SERP2: variants seen among roughly 807,000 people sequenced by gnomAD.
SERP2 encodes stress-associated endoplasmic reticulum protein 2.
A neutral mutation model predicts 9.1 loss-of-function variants in SERP2; 6 were observed. The observed-to-expected ratio is 0.66, with a 90% CI of 0.36 to 1.30. The LOEUF is 1.30. SERP2 is among the 50% of genes most tolerant of loss of function. SERP2 has a pLI of 0.03. For missense variants in SERP2, 58 were observed against 81.9 expected (o/e 0.71, Z 1.13); for synonymous variants, 37 against 27.3 (o/e 1.35, Z -1.10).
At chr13:44,393,266 G>A (rs1295794446) in intron 2 of SERP2, among the ~76,000 whole-genome samples, 2 of 152,204 alleles carry the variant, frequency 1.3e-5, no homozygotes, top group Non-Finnish European at 2.9e-5. Context: ...GTTGTGAAGA[G>A]GAAGAGAGGG....
intron 2 of SERP2, among the ~76,000 whole-genome samples, chr13:44,392,097 C>A (rs750924618): frequency 5.5e-5 from 8 of 146,022 alleles, no homozygotes; most frequent in African/African-American, 1.0e-4. Flanking sequence ...ACTCAGGAGG[C>A]TAAGGCTGGA....
chr13:44,384,098 C>T (rs867634474), intron 2 of SERP2, among the ~76,000 whole-genome samples: 2 of 151,842 alleles, frequency 1.3e-5, no homozygotes, highest in African/African-American at 2.4e-5. Context: ...CAGCTCAAGT[C>T]GGGCACTGTT....
intron 2 of SERP2, chr13:44,390,432 C>T (rs1231099341): frequency 2.2e-6 from 1 of 456,480 alleles, no homozygotes; most frequent in African/African-American, 2.0e-5. Context: ...GGGAGTCACC[C>T]CACCCCCAAG....
chr13:44,390,017 T>G (rs922738346), intron 2 of SERP2, among the ~76,000 whole-genome samples: 19 of 152,216 alleles, frequency 1.2e-4, no homozygotes, highest in African/African-American at 4.1e-4. Flanking sequence ...TCCCCTAACC[T>G]ACTTCTTTCA....
intron 1 of SERP2, 62 bp downstream of exon 1, chr13:44,374,171 T>TTGGG: frequency 1.1e-5 from 1 of 94,448 alleles, no homozygotes; most frequent in Non-Finnish European, 1.7e-5. Flanking sequence ...GGGCGGAAGG[T>TTGGG]GGGGGCGGGG....
chr13:44,387,412 C>G (rs1212944174), intron 2 of SERP2, among the ~76,000 whole-genome samples: 1 of 152,198 alleles, frequency 6.6e-6, no homozygotes, highest in Non-Finnish European at 1.5e-5. Flanking sequence ...GCCACGTTCT[C>G]ATCTTTGCTG....
chr13:44,378,146 A>T (rs1053776080), intron 1 of SERP2, among the ~76,000 whole-genome samples: 1 of 152,238 alleles, frequency 6.6e-6, no homozygotes, highest in Non-Finnish European at 1.5e-5. Context: ...TTTTTAGATG[A>T]GAAGCCAGTT....
chr13:44,386,157 G>A (rs1872301046), intron 2 of SERP2, among the ~76,000 whole-genome samples: 1 of 152,034 alleles, frequency 6.6e-6, no homozygotes, highest in African/African-American at 2.4e-5. Flanking sequence ...ACACCAATAT[G>A]CAGACCACAA....
At chr13:44,384,939 T>C (rs1872228929) in intron 2 of SERP2, among the ~76,000 whole-genome samples, 1 of 152,260 alleles carries the variant, frequency 6.6e-6, no homozygotes, top group African/African-American at 2.4e-5. Context: ...GGCAAAGTGC[T>C]CTTTTTAGAA....
At position 44,379,652 on chromosome 13, in the gene SERP2, G is replaced by A. The variant is rs1871850885; in HGVS notation, c.96G>A (p.Glu32=). Residue 32 remains glutamate (E), a synonymous_variant, in exon 2 of 3, where the codon GAG becomes GAA. Transcript: ENST00000379179. ...GNVAKTLRPQ[E]EKYPVGPWLL... ...CCATTCCCTTTTAGAGGCCGCAAGAGGAGAAATATCCTGTGGGACCATGGC... is the reference window on the plus strand; with the variant it reads ...CCATTCCCTTTTAGAGGCCGCAAGAAGAGAAATATCCTGTGGGACCATGGC... 4 of 1,611,982 alleles carry A rather than the reference G, an allele frequency of 2.5e-6. No individual in the cohort carries two copies. Among genetic ancestry groups the A allele is most frequent in the South Asian group, 1.1e-5 (1 of 90,720 alleles).
intron 2 of SERP2, among the ~76,000 whole-genome samples, chr13:44,384,974 A>G (rs1872230657): frequency 6.6e-6 from 1 of 152,228 alleles, no homozygotes; most frequent in Admixed American, 6.5e-5. Context: ...CCTAGGGTAA[A>G]TAAATATTCA....
intron 2 of SERP2, chr13:44,390,408 T>C (rs1391803626): frequency 1.5e-5 from 7 of 453,290 alleles, no homozygotes; most frequent in Non-Finnish European, 3.1e-5. Context: ...TTTCTCAAAG[T>C]TGTAACATCC....
chr13:44,376,268 A>G (rs1432414704), intron 1 of SERP2, among the ~76,000 whole-genome samples: 1 of 152,264 alleles, frequency 6.6e-6, no homozygotes, highest in East Asian at 1.9e-4. Context: ...TACAAGTCAA[A>G]TATGATTATA....
intron 2 of SERP2, among the ~76,000 whole-genome samples, chr13:44,386,302 AT>A (rs1872312418): frequency 1.3e-5 from 2 of 152,216 alleles, no homozygotes; most frequent in African/African-American, 4.8e-5. Flanking sequence ...AGCTTTGGGA[AT>A]AGTATATTCT....
At position 44,391,985 on chromosome 13, in the gene SERP2, A is replaced by C. The variant is rs1042545190; in HGVS notation, c.158-5287A>C. Among the ~76,000 whole-genome samples, 12 of 151,642 alleles carry C rather than the reference A, an allele frequency of 7.9e-5. No individual in the cohort carries two copies. The East Asian group carries it at 1.7e-3, about 22-fold the overall frequency. ...GCCGAGGCGGGTGGATCGTGAGATCAAGAGATTGACACCATCCTGGCCAAC... is the reference window on the plus strand; with the variant it reads ...GCCGAGGCGGGTGGATCGTGAGATCCAGAGATTGACACCATCCTGGCCAAC... On this transcript the variant is annotated intron_variant, in intron 2 of 2. Coordinates refer to ENST00000379179, the MANE Select transcript of SERP2 (RefSeq NM_001010897.3).
intron 1 of SERP2, among the ~76,000 whole-genome samples, chr13:44,377,592 C>T (rs556038760): frequency 5.9e-5 from 9 of 152,220 alleles, no homozygotes; most frequent in South Asian, 4.2e-4. Context: ...TGTGACTTGC[C>T]GGCATGTAAG....
At chr13:44,374,506 A>G (rs1467719557) in intron 1 of SERP2, among the ~76,000 whole-genome samples, 1 of 152,150 alleles carries the variant, frequency 6.6e-6, no homozygotes, top group Non-Finnish European at 1.5e-5. Flanking sequence ...CCTGGAACCT[A>G]GTATGTTCTA....
chr13:44,390,814 G>T (rs1339376168), intron 2 of SERP2: 1 of 155,432 alleles, frequency 6.4e-6, no homozygotes, highest in Non-Finnish European at 1.4e-5. Flanking sequence ...GACTTTCTTT[G>T]TGCTGATTCT....
rs1459952629 is a variant in SERP2 at position 44,374,043 on chromosome 13, G to A, written c.18G>A (p.Arg6=). 1.9e-6 allele frequency: 3 copies of A among 1,592,460 alleles called. No homozygotes were observed. The South Asian group carries it at 3.4e-5, about 18-fold the overall frequency. Reference sequence around the variant, plus strand: ...CACAAGCCATGGTGGCCAAACAGCGGATCCGGATGGCTAACGAGAAGCACA... The same window carrying A: ...CACAAGCCATGGTGGCCAAACAGCGAATCCGGATGGCTAACGAGAAGCACA... The part of the protein sequence containing the change: MVAKQ[R]IRMANEKHSK... The change falls in exon 1 of 3, where the codon CGG becomes CGA. Residue 6 remains arginine (R), a synonymous_variant. Coordinates refer to ENST00000379179, the MANE Select transcript of SERP2 (RefSeq NM_001010897.3).
Sources: allele counts gnomAD v4.1 joint callset (sites outside exome capture counted in the v4.1 genomes callset), GRCh38; gene constraint gnomAD v4.1.1; transcripts MANE v1.5; gene names NCBI Gene and HGNC (gene_info 2026-07-23, HGNC 2026-07-21).